SERPINB10: variants seen among roughly 807,000 people sequenced by gnomAD.
The protein encoded by SERPINB10 is serpin B10.
Under a neutral mutation model 39.1 loss-of-function variants are expected in SERPINB10, and 35 were observed. The ratio of observed to expected loss-of-function variants is 0.90; its 90% confidence interval spans 0.68 to 1.19. SERPINB10 has a LOEUF of 1.19. Among genes scored for constraint, SERPINB10 ranks in the 50% most tolerant of loss-of-function variants. SERPINB10 has a pLI of 0.00. For synonymous variants in SERPINB10, 190 were observed against 158.1 expected (o/e 1.20, Z -1.52); for missense variants, 546 against 460.5 (o/e 1.19, Z -1.70).
At chr18:63,927,806 G>C (rs889412428) in intron 5 of SERPINB10, among the ~76,000 whole-genome samples, 1 of 152,026 alleles carries the variant, frequency 6.6e-6, no homozygotes, top group Non-Finnish European at 1.5e-5. Context: ...ATGTAATTTA[G>C]GGTTTATTTG....
At chr18:63,926,118 T>C (rs2050179723) in intron 5 of SERPINB10, among the ~76,000 whole-genome samples, 1 of 152,028 alleles carries the variant, frequency 6.6e-6, no homozygotes, top group South Asian at 2.1e-4. Flanking sequence ...AAAATCAGGC[T>C]GTCAGCAAGG....
At chr18:63,909,591 T>G (rs2050049276) in intron 1 of SERPINB10, among the ~76,000 whole-genome samples, 1 of 152,010 alleles carries the variant, frequency 6.6e-6, no homozygotes, top group Non-Finnish European at 1.5e-5. Flanking sequence ...TAATAGAGAA[T>G]TATTGTTTTC....
intron 6 of SERPINB10, 133 bp downstream of exon 6, chr18:63,930,320 T>C: frequency 1.0e-6 from 1 of 965,270 alleles, no homozygotes. Context: ...ATGGCTGGGC[T>C]AAAAGCCTTC....
chr18:63,923,186 C>T (rs2050158319), intron 5 of SERPINB10, among the ~76,000 whole-genome samples: 1 of 151,954 alleles, frequency 6.6e-6, no homozygotes, highest in East Asian at 1.9e-4. Flanking sequence ...GCTGACCCTC[C>T]TCACTCTATT....
chr18:63,924,457 C>T (rs2050167074), intron 5 of SERPINB10, among the ~76,000 whole-genome samples: 1 of 151,956 alleles, frequency 6.6e-6, no homozygotes, highest in South Asian at 2.1e-4. Flanking sequence ...ACCAGTGACT[C>T]TCAATCGTGG....
intron 2 of SERPINB10, among the ~76,000 whole-genome samples, chr18:63,916,599 C>G (rs2050104803): frequency 6.6e-6 from 1 of 152,034 alleles, no homozygotes; most frequent in Non-Finnish European, 1.5e-5. Flanking sequence ...AATCCTTGTT[C>G]ACAACTTGTT....
At chr18:63,934,037 A>T (rs1320092428) in intron 7 of SERPINB10, among the ~76,000 whole-genome samples, 2 of 152,208 alleles carry the variant, frequency 1.3e-5, no homozygotes, top group Non-Finnish European at 2.9e-5. Flanking sequence ...CCCTTGTAAG[A>T]TAAAAACCTA....
intron 1 of SERPINB10, among the ~76,000 whole-genome samples, chr18:63,909,099 G>A (rs1053208419): frequency 3.3e-5 from 5 of 151,996 alleles, no homozygotes; most frequent in Non-Finnish European, 7.4e-5. Flanking sequence ...AGGGGCATGC[G>A]ATGATGAAAT....
intron 5 of SERPINB10, among the ~76,000 whole-genome samples, chr18:63,929,163 C>T (rs113721175): frequency 0.25 from 27,598 of 108,832 alleles, 2,329 homozygotes; most frequent in Admixed American, 0.36. Flanking sequence ...TATCTAATTA[C>T]AGCTTTCCAC....
At chr18:63,916,699 A>G (rs748134904) in intron 2 of SERPINB10, among the ~76,000 whole-genome samples, 1 of 152,054 alleles carries the variant, frequency 6.6e-6, no homozygotes, top group Non-Finnish European at 1.5e-5. Context: ...TCATATAAAT[A>G]TATTGCTGGG....
intron 5 of SERPINB10, among the ~76,000 whole-genome samples, chr18:63,929,516 G>A (rs1292976984): frequency 6.6e-6 from 1 of 151,908 alleles, no homozygotes; most frequent in African/African-American, 2.4e-5. Context: ...TTTAGCACAA[G>A]TGTCTTGCCC....
At position 63,919,790 on chromosome 18, in the gene SERPINB10, A is replaced by G. The variant is rs774621618; in HGVS notation, c.375A>G (p.Lys125=). ...GGATTTTTATCTATGTCTTTCAGAA[A>G]TATTTAGAAGACATGAAAACATATT... ...YGEKTYAFHN[K]YLEDMKTYFG... Residue 125 remains lysine, a splice_region_variant and synonymous_variant, in exon 5 of 8, where the codon AAA becomes AAG. Transcript: ENST00000238508. 2.5e-6 allele frequency: 4 copies of G among 1,579,890 alleles called. No homozygotes were observed. Among genetic ancestry groups the G allele is most frequent in the Admixed American group, 3.6e-5 (2 of 55,462 alleles).
rs927653811 is a variant in SERPINB10, at chr18:63,929,705, T to A, written c.491-340T>A. Among the ~76,000 whole-genome samples the A allele has an allele frequency of 1.2e-4, 5 of 41,380 alleles. No individual in the cohort carries two copies. In the South Asian group the frequency reaches 2.3e-3, roughly 19 times the overall value. The allele number at this position is 41,380 out of a possible 152,430, so 27.1% of individuals were successfully genotyped here. On this transcript the variant is annotated intron_variant, in intron 5 of 7. Coordinates refer to ENST00000238508, the MANE Select transcript of SERPINB10 (RefSeq NM_005024.3). Reference sequence around the variant, plus strand: ...TTTCTGGAAATAAAAAATCTTTAGCTAAAGTGCAAAAAAAAAAAAAAAAAA... The same window carrying A: ...TTTCTGGAAATAAAAAATCTTTAGCAAAAGTGCAAAAAAAAAAAAAAAAAA...
rs35743864 is a variant in SERPINB10 at position 63,915,582 on chromosome 18, G to A, written c.72G>A (p.Gln24=). ...GCAAAAAGCTAGCTGAATCTGCTCA[G>A]GGTAAAAATATCTTCTTTTCTTCCT... is the stretch of plus-strand genomic sequence containing the variant. ...ELSKKLAESA[Q]GKNIFFSSWS... is the part of the protein sequence containing the mutation. The change falls in exon 2 of 8, where the codon CAG becomes CAA. Residue 24 remains glutamine (Q), a synonymous_variant. Coordinates refer to ENST00000238508, the MANE Select transcript of SERPINB10 (RefSeq NM_005024.3). 7.2e-3 allele frequency: 11,604 copies of A among 1,612,690 alleles called. 711 individuals carry two copies. In the African/African-American group the frequency reaches 0.13, roughly 18 times the overall value.
At chr18:63,910,028 G>C (rs962049111) in intron 1 of SERPINB10, among the ~76,000 whole-genome samples, 1 of 151,958 alleles carries the variant, frequency 6.6e-6, no homozygotes, top group Admixed American at 6.6e-5. Context: ...ATTTAGAGGT[G>C]GGGAAGCTGT....
chr18:63,913,367 C>T (rs8086765), intron 1 of SERPINB10, among the ~76,000 whole-genome samples: 59,151 of 151,638 alleles, frequency 0.39, 15,933 homozygotes, highest in African/African-American at 0.76. Context: ...GTCTGATGTT[C>T]GATAGTTAAT....
rs968836136 is a variant in SERPINB10, at chr18:63,920,551, G to T, written c.490+646G>T. On this transcript the variant is annotated intron_variant, in intron 5 of 7. Transcript: ENST00000238508. ...TGCAAGATGGTTCTTACAATAGCCAGTTGTAGTAGCAGCAGGAAGTGGGGA... is the reference window on the plus strand; with the variant it reads ...TGCAAGATGGTTCTTACAATAGCCATTTGTAGTAGCAGCAGGAAGTGGGGA... Among the ~76,000 whole-genome samples, 5 of 152,006 alleles carry T rather than the reference G, an allele frequency of 3.3e-5. No homozygotes were observed. The East Asian group carries it at 9.7e-4, about 29-fold the overall frequency.
rs1428894981 is a variant in SERPINB10 at position 63,935,600 on chromosome 18, T to A, written c.*358T>A. The A allele has an allele frequency of 5.8e-6, 1 of 171,590 alleles. No homozygotes were observed. The highest frequency in any genetic ancestry group is 1.2e-5 in the Non-Finnish European group (1 of 81,210). The allele number at this position is 171,590 out of a possible 1,614,324, so 10.6% of individuals were successfully genotyped here. A position where few individuals can be genotyped will look rare whatever the true frequency, so the allele number is the denominator to read the frequency against. Reference sequence around the variant, plus strand: ...ATCATTAAATGAAAAAAAATCTTTATAAAGGTGATATGATATTGATAAATA... The same window carrying A: ...ATCATTAAATGAAAAAAAATCTTTAAAAAGGTGATATGATATTGATAAATA... On this transcript the variant is annotated 3_prime_UTR_variant, in exon 8 of 8. Transcript: ENST00000238508.
At chr18:63,934,278 AAAG>A (rs1276554710) in intron 7 of SERPINB10, among the ~76,000 whole-genome samples, 1 of 152,228 alleles carries the variant, frequency 6.6e-6, no homozygotes, top group Non-Finnish European at 1.5e-5. Flanking sequence ...TTTAAAATAT[AAAG>A]AAGAGGGAAA....
Sources: gnomAD v4.1 joint callset for allele counts (sites outside exome capture counted in the v4.1 genomes callset) on GRCh38, gnomAD v4.1.1 for gene constraint, MANE v1.5 for transcripts, NCBI Gene and HGNC (gene_info 2026-07-23, HGNC 2026-07-21) for gene names.